PCDHA11: variants seen among roughly 807,000 people sequenced by gnomAD.
PCDHA11 encodes the protein protocadherin alpha 11.
In PCDHA11, 61 loss-of-function variants were observed where a neutral mutation model predicts 70.3. The observed-to-expected ratio is 0.87, with a 90% CI of 0.71 to 1.07. The LOEUF (loss-of-function observed/expected upper bound fraction) is 1.07, where lower values mean the gene tolerates loss of function less well. Ranked by LOEUF, PCDHA11 falls within the 50% of genes least tolerant of loss-of-function variation. The pLI is 0.00. For synonymous variants in PCDHA11, 633 were observed against 555.1 expected, an observed-to-expected ratio of 1.14 and a Z score of -1.97; for missense variants, 1,324 against 1,237.5, an observed-to-expected ratio of 1.07 and a Z score of -1.05.
At chr5:140,883,225 C>T in intron 1 of PCDHA11, 1 of 1,613,914 alleles carries the variant, frequency 6.2e-7, no homozygotes, top group East Asian at 2.2e-5. Context: ...ATGAAATATC[C>T]GTGGAGGCAG....
At chr5:140,888,503 T>C (rs1582952197) in intron 1 of PCDHA11, among the ~76,000 whole-genome samples, 1 of 152,132 alleles carries the variant, frequency 6.6e-6, no homozygotes, top group East Asian at 1.9e-4. Context: ...CTTTAAAGAG[T>C]CTTGGACTTA....
chr5:140,926,762 C>A (rs1186997274), intron 1 of PCDHA11: 5 of 1,326,554 alleles, frequency 3.8e-6, no homozygotes, highest in East Asian at 2.8e-5. Context: ...CGCTGAGTAT[C>A]CAGCCCGCAG....
In PCDHA11 at chr5:140,992,017, CTGTGTG is replaced by C. The variant is rs10602499; in HGVS notation, c.2539+9486_2539+9491del. On this transcript the variant is annotated intron_variant, in intron 3 of 3. Coordinates refer to ENST00000398640, the MANE Select transcript of PCDHA11 (RefSeq NM_018902.5). ...CTTTCATGTTCAGGCAGAGGTGGCT[CTGTGTG>C]TGTGTGTGTGTGTGTGTGTGTGTGT... 2.1e-3 allele frequency among the ~76,000 whole-genome samples: 300 copies of C among 145,496 alleles called. 2 individuals carry two copies. The highest frequency in any genetic ancestry group is 4.8e-3 in the African/African-American group (189 of 39,270).
chr5:140,895,614 A>T (rs185386474), intron 1 of PCDHA11, among the ~76,000 whole-genome samples: 101 of 152,212 alleles, frequency 6.6e-4, no homozygotes, highest in African/African-American at 2.4e-3. Context: ...TTTCTCATTG[A>T]GGGTGTTGTC....
intron 1 of PCDHA11, chr5:140,882,580 C>T (rs371338305): frequency 1.2e-6 from 2 of 1,614,126 alleles, no homozygotes; most frequent in African/African-American, 2.7e-5. Context: ...AGTGCAGCAT[C>T]CACCTGGAGG....
intron 1 of PCDHA11, among the ~76,000 whole-genome samples, chr5:140,974,079 G>A (rs1554235799): frequency 6.6e-6 from 1 of 152,180 alleles, no homozygotes. Flanking sequence ...CTATAACCAT[G>A]ACTTCAAAAA....
intron 1 of PCDHA11, among the ~76,000 whole-genome samples, chr5:140,970,178 A>T (rs1190328996): frequency 6.6e-6 from 1 of 152,214 alleles, no homozygotes; most frequent in East Asian, 1.9e-4. Context: ...GCATACTCTG[A>T]ATTCATTGTA....
intron 1 of PCDHA11, chr5:140,881,460 G>T: frequency 1.6e-6 from 1 of 637,280 alleles, no homozygotes; most frequent in Non-Finnish European, 2.0e-6. Flanking sequence ...AAACCTTAGA[G>T]CATTGTTGTG....
At chr5:140,966,777 C>T (rs1554228636) in intron 1 of PCDHA11, 2 of 1,510,822 alleles carry the variant, frequency 1.3e-6, no homozygotes, top group Non-Finnish European at 1.8e-6. Context: ...ATGGAGCAGG[C>T]GGGCACCAGA....
chr5:140,955,284 T>C (rs1207930664), intron 1 of PCDHA11, among the ~76,000 whole-genome samples: 1 of 152,170 alleles, frequency 6.6e-6, no homozygotes, highest in African/African-American at 2.4e-5. Context: ...CATATTGATA[T>C]GGTTTGGCTG....
At chr5:140,895,367 CT>C (rs35382025) in intron 1 of PCDHA11, among the ~76,000 whole-genome samples, 1 of 152,014 alleles carries the variant, frequency 6.6e-6, no homozygotes, top group Non-Finnish European at 1.5e-5. Context: ...CTTATTGGCA[CT>C]TTTTGGAGTT....
At position 140,869,125 on chromosome 5, in the gene PCDHA11, G is replaced by T. The variant is rs371936789; in HGVS notation, c.22G>T (p.Gly8Ter). 2.5e-6 allele frequency: 4 copies of T among 1,611,550 alleles called. No individual in the cohort carries two copies. The highest frequency in any genetic ancestry group is 4.5e-5 in the East Asian group (2 of 44,832). ...TGCGATGTTTGGTTTTCAGAGAAGG[G>T]GATTGGGCACCCCACGACTACAGCT... MFGFQRRGLGTPRLQLWL... is the reference protein window; with the variant it reads MFGFQRR Residue 8 changes from glycine to a stop codon, truncating the protein, a stop_gained, in exon 1 of 4, where the codon GGA (glycine) becomes TGA (stop). Transcript: ENST00000398640. LOFTEE classifies it high-confidence loss of function.
In PCDHA11 at chr5:140,982,474, G is replaced by C. The variant is rs2096985354; in HGVS notation, c.2451-1G>C. On this transcript the variant is annotated splice_acceptor_variant, in intron 2 of 3. Coordinates refer to ENST00000398640, the MANE Select transcript of PCDHA11 (RefSeq NM_018902.5). LOFTEE classifies it high-confidence loss of function. ...TTATCTGGGTCTGTGTGTTTATTCA[G>C]CTCTGTGCACCTAGAGGAGGCTGGC... 3 of 1,614,164 alleles carry C rather than the reference G, an allele frequency of 1.9e-6. No individual in the cohort carries two copies. The highest frequency in any genetic ancestry group is 2.5e-6 in the Non-Finnish European group (3 of 1,180,024).
At chr5:141,006,412 A>G (rs1423476125) in intron 3 of PCDHA11, among the ~76,000 whole-genome samples, 7 of 151,898 alleles carry the variant, frequency 4.6e-5, no homozygotes, top group African/African-American at 1.7e-4. Flanking sequence ...ACGCGGTTTC[A>G]CTGTGTTAGC....
intron 1 of PCDHA11, chr5:140,877,494 G>A: frequency 6.2e-7 from 1 of 1,613,890 alleles, no homozygotes; most frequent in Non-Finnish European, 8.5e-7. Context: ...AGAACGGCCA[G>A]GCCCCAAAGA....
rs561828077 is a variant in PCDHA11 at position 140,908,632 on chromosome 5, C to T, written c.2391+37138C>T. On this transcript the variant is annotated intron_variant, in intron 1 of 3. Transcript: ENST00000398640. ...TGCTCCAAAATCCTTGAGGTCTCCA[C>T]TGTGATTCACTTATGGGGGCCTGCC... Among the ~76,000 whole-genome samples the T allele has an allele frequency of 9.8e-5, 15 of 152,318 alleles. No individual in the cohort carries two copies. In the East Asian group the frequency reaches 2.9e-3, roughly 29 times the overall value.
At chr5:141,005,114 G>A (rs2098198000) in intron 3 of PCDHA11, among the ~76,000 whole-genome samples, 2 of 152,042 alleles carry the variant, frequency 1.3e-5, no homozygotes, top group African/African-American at 2.4e-5. Flanking sequence ...TTGTCTTTAG[G>A]GACCCCAAAA....
In PCDHA11 at chr5:140,982,563, G is replaced by C; in HGVS notation, c.2539G>C (p.Glu847Gln). 3 of 1,614,072 alleles carry C rather than the reference G, an allele frequency of 1.9e-6. No homozygotes were observed. The highest frequency in any genetic ancestry group is 2.5e-6 in the Non-Finnish European group (3 of 1,179,960). The change falls in exon 3 of 4, where the codon GAA (glutamate) becomes CAA (glutamine). Residue 847 changes from glutamate (E) to glutamine (Q), a missense_variant and splice_region_variant. By Grantham distance (29) the Glu-to-Gln change is conservative (BLOSUM62 2). Transcript: ENST00000398640. Reference protein sequence around the residue: ...QWPTVSSATPEPEAGEVSPPV... With the variant: ...QWPTVSSATPQPEAGEVSPPV... Reference sequence around the variant, plus strand: ...GCCAACAGTATCCAGTGCAACACCAGGTAAAGAGCTGGGGTCTCTCCATTC... The same window carrying C: ...GCCAACAGTATCCAGTGCAACACCACGTAAAGAGCTGGGGTCTCTCCATTC...
At chr5:141,004,188 TA>T (rs1391411358) in intron 3 of PCDHA11, among the ~76,000 whole-genome samples, 5 of 152,260 alleles carry the variant, frequency 3.3e-5, no homozygotes, top group African/African-American at 1.2e-4. Flanking sequence ...TGAGTGCTCT[TA>T]ACCAAAAGGA....
Sources: gnomAD v4.1 joint callset for allele counts (sites outside exome capture counted in the v4.1 genomes callset) on GRCh38, gnomAD v4.1.1 for gene constraint, MANE v1.5 for transcripts, NCBI Gene and HGNC (gene_info 2026-07-23, HGNC 2026-07-21) for gene names.